UNC5A: variants seen among roughly 807,000 people sequenced by gnomAD.
The protein encoded by UNC5A is netrin receptor UNC5A.
Under a neutral mutation model 87.4 loss-of-function variants are expected in UNC5A, and 20 were observed. That is an observed-to-expected ratio of 0.23 (90% CI 0.16 to 0.33). UNC5A has a LOEUF of 0.33. UNC5A is among the 10% of genes least tolerant of loss of function. The pLI is 1.00. For synonymous variants in UNC5A, 438 were observed against 482.3 expected (o/e 0.91, Z 1.20); for missense variants, 844 against 1,133.4 (o/e 0.74, Z 3.67).
intron 1 of UNC5A, among the ~76,000 whole-genome samples, chr5:176,829,416 A>ATGG (rs1756943845): frequency 6.6e-5 from 5 of 75,958 alleles, no homozygotes; most frequent in Admixed American, 1.3e-4. Flanking sequence ...ATGAAAGATG[A>ATGG]ATGGATGGAT....
chr5:176,879,260 C>T, intron 13 of UNC5A, 50 bp from the exon 14 acceptor site: 1 of 1,523,596 alleles, frequency 6.6e-7, no homozygotes, highest in Non-Finnish European at 8.8e-7. Context: ...GGCGGTGGAC[C>T]CGGGCCTGGG....
At chr5:176,820,812 T>C (rs1158549180) in intron 1 of UNC5A, among the ~76,000 whole-genome samples, 2 of 152,180 alleles carry the variant, frequency 1.3e-5, no homozygotes, top group African/African-American at 4.8e-5. Context: ...GTGGGGTATT[T>C]TGGGGGGCCC....
chr5:176,843,646 G>T (rs1425889109), intron 1 of UNC5A, among the ~76,000 whole-genome samples: 1 of 152,260 alleles, frequency 6.6e-6, no homozygotes, highest in Non-Finnish European at 1.5e-5. Flanking sequence ...AGTGCTCGCT[G>T]CTCTTATTAT....
intron 14 of UNC5A, 42 bp downstream of exon 14, chr5:176,879,530 A>T: frequency 6.4e-7 from 1 of 1,570,600 alleles, no homozygotes; most frequent in South Asian, 1.2e-5. Context: ...CAGGCCACCG[A>T]CAGTCCTGCC....
chr5:176,849,799 A>C (rs936602980), intron 1 of UNC5A, among the ~76,000 whole-genome samples: 2 of 152,084 alleles, frequency 1.3e-5, no homozygotes, highest in African/African-American at 2.4e-5. Context: ...CTGATGCCCA[A>C]CTGAGGGCTG....
chr5:176,819,989 G>A (rs914536339), intron 1 of UNC5A, among the ~76,000 whole-genome samples: 7 of 152,084 alleles, frequency 4.6e-5, no homozygotes, highest in African/African-American at 1.7e-4. Flanking sequence ...CAGGCCGGGC[G>A]CGGTGGCTCA....
At chr5:176,828,185 G>A (rs1422246645) in intron 1 of UNC5A, among the ~76,000 whole-genome samples, 1 of 152,156 alleles carries the variant, frequency 6.6e-6, no homozygotes, top group Non-Finnish European at 1.5e-5. Context: ...CAAACAATGC[G>A]GCAGGCTGGG....
chr5:176,846,658 G>C (rs1757410498), intron 1 of UNC5A, among the ~76,000 whole-genome samples: 1 of 152,198 alleles, frequency 6.6e-6, no homozygotes, highest in African/African-American at 2.4e-5. Flanking sequence ...GATCTCACCA[G>C]TATCTGCCTC....
chr5:176,865,079 A>G lies in UNC5A; in HGVS notation c.292+2234A>G, dbSNP rs1211106051. Reference sequence around the variant, plus strand: ...TGCCCCTTGCAGATTGGTCGGGGGAAGCCATGAAATCTCACGTGCCCAGTC... The same window carrying G: ...TGCCCCTTGCAGATTGGTCGGGGGAGGCCATGAAATCTCACGTGCCCAGTC... On this transcript the variant is annotated intron_variant, in intron 2 of 14. Coordinates refer to ENST00000329542, the MANE Select transcript of UNC5A (RefSeq NM_133369.3). The surrounding 1 kb of genome is among the most constrained non-coding windows in gnomAD (Gnocchi z 5.3). 3.0e-6 allele frequency: 1 copy of G among 332,186 alleles called. No homozygotes were observed. Among genetic ancestry groups the G allele is most frequent in the African/African-American group, 2.2e-5 (1 of 45,434 alleles). The allele number at this position is 332,186 out of a possible 1,614,324, so 20.6% of individuals were successfully genotyped here.
chr5:176,814,663 C>T (rs1756546032), intron 1 of UNC5A, among the ~76,000 whole-genome samples: 1 of 152,220 alleles, frequency 6.6e-6, no homozygotes, highest in Admixed American at 6.5e-5. Flanking sequence ...GTCCTCAGCC[C>T]TGGGGCTGCC....
Position 176,863,090 on chromosome 5 carries a change from G to A in UNC5A, c.292+245G>A, listed in dbSNP as rs1394156866. Among the ~76,000 whole-genome samples, 3 of 152,228 alleles carry A rather than the reference G, an allele frequency of 2.0e-5. No homozygotes were observed. The East Asian group carries it at 5.8e-4, about 29-fold the overall frequency. ...TGCGTCGGTTCATTCGATCAGTCAGGCATTCACTCACACCTGTGAGCACCC... is the reference window on the plus strand; with the variant it reads ...TGCGTCGGTTCATTCGATCAGTCAGACATTCACTCACACCTGTGAGCACCC... On this transcript the variant is annotated intron_variant, in intron 2 of 14. Coordinates refer to ENST00000329542, the MANE Select transcript of UNC5A (RefSeq NM_133369.3).
At chr5:176,827,425 C>T (rs757284099) in intron 1 of UNC5A, among the ~76,000 whole-genome samples, 28 of 151,548 alleles carry the variant, frequency 1.8e-4, no homozygotes, top group Non-Finnish European at 3.7e-4. Flanking sequence ...TCAAATAATC[C>T]ACCCACCTCG....
intron 1 of UNC5A, among the ~76,000 whole-genome samples, chr5:176,853,313 C>T (rs975110601): frequency 3.3e-5 from 5 of 152,234 alleles, no homozygotes; most frequent in Admixed American, 2.0e-4. Flanking sequence ...GAGCAGTGGC[C>T]GGGGCGGAGG....
At chr5:176,826,531 G>A (rs554546952) in intron 1 of UNC5A, among the ~76,000 whole-genome samples, 3 of 151,854 alleles carry the variant, frequency 2.0e-5, no homozygotes, top group African/African-American at 7.2e-5. Context: ...TTTTAATCAA[G>A]GTGAAATTCA....
At chr5:176,876,790 G>A (rs1449614214) in intron 8 of UNC5A, among the ~76,000 whole-genome samples, 1 of 152,218 alleles carries the variant, frequency 6.6e-6, no homozygotes, top group Non-Finnish European at 1.5e-5. Flanking sequence ...TAGAGAGGCA[G>A]TGGGGGCCAG....
intron 1 of UNC5A, among the ~76,000 whole-genome samples, chr5:176,826,043 C>T (rs1756844979): frequency 6.6e-6 from 1 of 152,204 alleles, no homozygotes; most frequent in Admixed American, 6.5e-5. Flanking sequence ...AGCAAAGGGC[C>T]TACTCTGGTC....
At chr5:176,845,719 T>C (rs989873746) in intron 1 of UNC5A, among the ~76,000 whole-genome samples, 1 of 152,042 alleles carries the variant, frequency 6.6e-6, no homozygotes, top group Admixed American at 6.6e-5. Context: ...AAGAGACAAG[T>C]CCAGAAGGGC....
chr5:176,870,813 A>C (rs981636610), intron 6 of UNC5A, among the ~76,000 whole-genome samples: 3 of 151,570 alleles, frequency 2.0e-5, no homozygotes, highest in Admixed American at 6.6e-5. Flanking sequence ...ACATCTGCCC[A>C]CACTCACCAA....
chr5:176,848,589 C>A lies in UNC5A; in HGVS notation c.71-14035C>A, dbSNP rs1371771328. On this transcript the variant is annotated intron_variant, in intron 1 of 14. Coordinates refer to ENST00000329542, the MANE Select transcript of UNC5A (RefSeq NM_133369.3). The surrounding 1 kb of genome is among the most constrained non-coding windows in gnomAD (Gnocchi z 5.8). ...TGTCTCATCAGGGGTGTGATGGGAG[C>A]GGCCAGACACCCTATTCCCAGATGG... Among the ~76,000 whole-genome samples, 1 of 152,216 alleles carries A rather than the reference C, an allele frequency of 6.6e-6. No individual in the cohort carries two copies. The highest frequency in any genetic ancestry group is 2.4e-5 in the African/African-American group (1 of 41,520).
Sources: gnomAD v4.1 joint callset for allele counts (sites outside exome capture counted in the v4.1 genomes callset) on GRCh38, gnomAD v4.1.1 for gene constraint, Gnocchi (gnomAD v3.1) non-coding constraint, MANE v1.5 for transcripts, NCBI Gene and HGNC (gene_info 2026-07-23, HGNC 2026-07-21) for gene names.